Variants in LRRC38 observed in about 807,000 individuals in gnomAD.
LRRC38 encodes leucine rich repeat containing 38, also known as leucine-rich repeat-containing protein 38.
A neutral mutation model predicts 16.4 loss-of-function variants in LRRC38; 5 were observed. That is an observed-to-expected ratio of 0.31 (90% CI 0.16 to 0.64). LRRC38 has a LOEUF of 0.64. Among genes scored for constraint, LRRC38 ranks in the 30% least tolerant of loss-of-function variants. The probability of loss-of-function intolerance (pLI) is 0.80; values close to 1 mark genes in which losing one functional copy is unlikely to be tolerated. For missense variants in LRRC38, 341 were observed against 401.8 expected (o/e 0.85, Z 1.29); for synonymous variants, 191 against 190.2 (o/e 1.00, Z -0.04).
At chr1:13,497,119 A>C (rs1639089570) in intron 1 of LRRC38, among the ~76,000 whole-genome samples, 1 of 152,186 alleles carries the variant, frequency 6.6e-6, no homozygotes, top group African/African-American at 2.4e-5. Flanking sequence ...GGAGGAGGAC[A>C]GATCACAGGA....
intron 1 of LRRC38, among the ~76,000 whole-genome samples, chr1:13,476,549 G>A (rs1638791908): frequency 6.6e-6 from 1 of 152,062 alleles, no homozygotes; most frequent in East Asian, 1.9e-4. Flanking sequence ...GGCTGATCTT[G>A]AACTCCTGAC....
At chr1:13,500,774 TAC>T (rs1185112991) in intron 1 of LRRC38, among the ~76,000 whole-genome samples, 2 of 152,218 alleles carry the variant, frequency 1.3e-5, no homozygotes, top group Non-Finnish European at 2.9e-5. Context: ...CCTTTTGGTT[TAC>T]AGTGTTATAC....
chr1:13,481,644 C>T (rs1006461098), intron 1 of LRRC38, among the ~76,000 whole-genome samples: 4 of 152,136 alleles, frequency 2.6e-5, no homozygotes, highest in African/African-American at 9.7e-5. Context: ...ATCCGCCCGC[C>T]TTGGCCTCCC....
chr1:13,495,779 G>A (rs1639073425), intron 1 of LRRC38, among the ~76,000 whole-genome samples: 1 of 152,126 alleles, frequency 6.6e-6, no homozygotes, highest in Non-Finnish European at 1.5e-5. Flanking sequence ...AATGCGGTTA[G>A]ACAGTTCTCA....
intron 1 of LRRC38, among the ~76,000 whole-genome samples, chr1:13,492,692 A>G (rs548010437): frequency 6.6e-6 from 1 of 151,276 alleles, no homozygotes; most frequent in African/African-American, 2.4e-5. Flanking sequence ...ACAGAGTGAG[A>G]CTCCACCTCA....
chr1:13,476,545 T>C (rs1638791868), intron 1 of LRRC38, among the ~76,000 whole-genome samples: 1 of 152,126 alleles, frequency 6.6e-6, no homozygotes, highest in Admixed American at 6.5e-5. Context: ...GCCAGGCTGA[T>C]CTTGAACTCC....
At chr1:13,501,844 T>G (rs1639154267) in intron 1 of LRRC38, among the ~76,000 whole-genome samples, 1 of 152,106 alleles carries the variant, frequency 6.6e-6, no homozygotes, top group African/African-American at 2.4e-5. Context: ...TGGCACGATC[T>G]GCACCATTCC....
chr1:13,497,245 G>A (rs112362555), intron 1 of LRRC38, among the ~76,000 whole-genome samples: 1,950 of 152,270 alleles, frequency 0.013, 37 homozygotes, highest in African/African-American at 0.044. Flanking sequence ...GGGAGGGGCC[G>A]CTGCTCCAGA....
At chr1:13,492,942 G>A (rs1639033464) in intron 1 of LRRC38, among the ~76,000 whole-genome samples, 1 of 150,430 alleles carries the variant, frequency 6.6e-6, no homozygotes, top group Non-Finnish European at 1.5e-5. Context: ...CCGACCACGT[G>A]AGTCCCGTCG....
chr1:13,488,633 T>C (rs536296416), intron 1 of LRRC38, among the ~76,000 whole-genome samples: 2 of 152,296 alleles, frequency 1.3e-5, no homozygotes, highest in East Asian at 3.9e-4. Flanking sequence ...GGGTGAGTCC[T>C]TGAACTTGCG....
At chr1:13,499,099 T>G (rs957928978) in intron 1 of LRRC38, among the ~76,000 whole-genome samples, 8 of 152,096 alleles carry the variant, frequency 5.3e-5, no homozygotes, top group Non-Finnish European at 1.0e-4. Flanking sequence ...ACTGCATTTT[T>G]TTTGTTTGTT....
At chr1:13,509,028 A>T (rs1362122035) in intron 1 of LRRC38, among the ~76,000 whole-genome samples, 1 of 152,102 alleles carries the variant, frequency 6.6e-6, no homozygotes, top group African/African-American at 2.4e-5. Flanking sequence ...TGGGGTACCC[A>T]AGCCCCCGAA....
chr1:13,510,276 C>T (rs541315712), intron 1 of LRRC38, among the ~76,000 whole-genome samples: 1 of 152,304 alleles, frequency 6.6e-6, no homozygotes, highest in South Asian at 2.1e-4. Context: ...GTAGGTGGTC[C>T]TCACGGAGGA....
chr1:13,475,526 A>G lies in LRRC38; in HGVS notation c.*320T>C, dbSNP rs1456741189. The G allele has an allele frequency of 1.7e-5, 5 of 288,454 alleles. No homozygotes were observed. The Admixed American group carries it at 1.8e-4, about 10-fold the overall frequency. 17.9% of individuals were successfully genotyped at this position (288,454 alleles called of 1,614,324 possible). A position where few individuals can be genotyped will look rare whatever the true frequency, so the allele number is the denominator to read the frequency against. On this transcript the variant is annotated 3_prime_UTR_variant, in exon 2 of 2. Transcript: ENST00000376085. The surrounding 1 kb of genome is among the most constrained non-coding windows in gnomAD (Gnocchi z 4.3). ...GCCATTGAAAGCTGCCAGTCTTCAC[A>G]TTTCCTGGGGGAGGCTTTTAGTCAT...
chr1:13,480,365 CCA>C (rs908203310), intron 1 of LRRC38, among the ~76,000 whole-genome samples: 149 of 152,306 alleles, frequency 9.8e-4, no homozygotes, highest in African/African-American at 3.3e-3. Flanking sequence ...CAAACTGTCT[CCA>C]GACATTGCTA....
intron 1 of LRRC38, among the ~76,000 whole-genome samples, chr1:13,489,594 G>A (rs933344038): frequency 6.6e-6 from 1 of 152,150 alleles, no homozygotes; most frequent in African/African-American, 2.4e-5. Flanking sequence ...ATCTGGGGAA[G>A]CTGCACGTGC....
At chr1:13,496,770 G>A (rs1341751868) in intron 1 of LRRC38, among the ~76,000 whole-genome samples, 3 of 152,160 alleles carry the variant, frequency 2.0e-5, no homozygotes. Context: ...CAGACAATGA[G>A]TAAATGAGTA....
chr1:13,498,914 G>T (rs1319051563), intron 1 of LRRC38, among the ~76,000 whole-genome samples: 1 of 152,108 alleles, frequency 6.6e-6, no homozygotes, highest in Non-Finnish European at 1.5e-5. Flanking sequence ...CTCCCCACTG[G>T]CTCCGGTGGT....
intron 1 of LRRC38, among the ~76,000 whole-genome samples, chr1:13,508,244 CA>C (rs916084939): frequency 1.4e-4 from 21 of 151,742 alleles, no homozygotes; most frequent in African/African-American, 4.3e-4. Context: ...CTCAAAACAA[CA>C]AAAAAAAGCA....
Sources: gnomAD v4.1 joint callset for allele counts (sites outside exome capture counted in the v4.1 genomes callset) on GRCh38, gnomAD v4.1.1 for gene constraint, Gnocchi (gnomAD v3.1) non-coding constraint, MANE v1.5 for transcripts, NCBI Gene and HGNC (gene_info 2026-07-23, HGNC 2026-07-21) for gene names.